KIF27: variants seen among roughly 807,000 people sequenced by gnomAD.
KIF27 encodes kinesin family member 27, also known as kinesin-like protein KIF27.
In KIF27, 84 loss-of-function variants were observed where a neutral mutation model predicts 141.8. The ratio of observed to expected loss-of-function variants is 0.59; its 90% CI spans 0.50 to 0.71. The LOEUF is 0.71. Among genes scored for constraint, KIF27 ranks in the 30% least tolerant of loss-of-function variants. KIF27 has a pLI of 0.00. For synonymous variants in KIF27, 471 were observed against 569.5 expected (o/e 0.83, Z 2.46); for missense variants, 1,306 against 1,628.4 (o/e 0.80, Z 3.41).
chr9:83,845,881 G>T (rs920094270), intron 16 of KIF27, among the ~76,000 whole-genome samples: 4 of 152,210 alleles, frequency 2.6e-5, no homozygotes, highest in South Asian at 2.1e-4. Flanking sequence ...CAAAAACTGT[G>T]AAGATATTTG....
At position 83,836,206 on chromosome 9, in the gene KIF27, G is replaced by C. The variant is rs1440857716; in HGVS notation, c.*795C>G. On this transcript the variant is annotated 3_prime_UTR_variant, in exon 18 of 18. Coordinates refer to ENST00000297814, the MANE Select transcript of KIF27 (RefSeq NM_017576.4). ...TTTACAGACATACTCCATGTGACCA[G>C]AGATGTCATAACCAGTGTTCTTTCT... Among the ~76,000 whole-genome samples, 1 of 152,128 alleles carries C rather than the reference G, an allele frequency of 6.6e-6. No homozygotes were observed. The highest frequency in any genetic ancestry group is 1.9e-4 in the East Asian group (1 of 5,194).
chr9:83,897,404 A>G (rs553401013), intron 5 of KIF27, among the ~76,000 whole-genome samples: 12 of 152,308 alleles, frequency 7.9e-5, no homozygotes, highest in African/African-American at 2.9e-4. Context: ...GAACAAATGA[A>G]TATCTATATG....
chr9:83,900,144 A>G (rs1164857173), intron 4 of KIF27, among the ~76,000 whole-genome samples: 3 of 152,202 alleles, frequency 2.0e-5, no homozygotes, highest in Non-Finnish European at 2.9e-5. Flanking sequence ...TCACTCAAAG[A>G]GCTCACATTT....
chr9:83,908,567 G>A lies in KIF27; in HGVS notation c.384C>T (p.Asp128=). 6.2e-7 allele frequency: 1 copy of A among 1,611,242 alleles called. No homozygotes were observed. Residue 128 remains aspartate, a synonymous_variant, in exon 3 of 18, where the codon GAC becomes GAT. Coordinates refer to ENST00000297814, the MANE Select transcript of KIF27 (RefSeq NM_017576.4). The part of the protein sequence containing the change: ...FQSISEHPSI[D]FNVKVSYIEV... The stretch of plus-strand genomic sequence containing the variant: ...CTATATAAGATACTTTTACATTAAA[G>A]TCAATGCTAGGATGTTCAGAGATGC...
At chr9:83,905,370 G>A (rs923212989) in intron 3 of KIF27, among the ~76,000 whole-genome samples, 11 of 152,130 alleles carry the variant, frequency 7.2e-5, no homozygotes, top group South Asian at 4.1e-4. Flanking sequence ...CACCTGCCTC[G>A]GCCTCCCAAA....
chr9:83,861,605 G>A (rs1166913452), intron 13 of KIF27, among the ~76,000 whole-genome samples: 2 of 152,080 alleles, frequency 1.3e-5, no homozygotes, highest in Non-Finnish European at 2.9e-5. Context: ...TTGGTTCCAA[G>A]TCTTGCTATT....
intron 13 of KIF27, chr9:83,860,084 G>C (rs566113182): frequency 1.3e-5 from 2 of 152,054 alleles, no homozygotes; most frequent in South Asian, 4.1e-4. Context: ...CATATAATTT[G>C]TTTTTACTTG....
chr9:83,903,158 G>A lies in KIF27; in HGVS notation c.1360C>T (p.Leu454Phe). ...NMIQEVRKAV[L>F]TSFRGIGGTA... ...CCTCCGATTCCTCGAAATGAGGTGA[G>A]GACAGCCTTCCTGACCTCTTGGATC... Residue 454 changes from leucine to phenylalanine, a missense_variant, in exon 4 of 18, where the codon CTC becomes TTC. Leu to Phe is a conservative substitution (Grantham distance 22, BLOSUM62 0). Transcript: ENST00000297814. The A allele has an allele frequency of 6.2e-7, 1 of 1,614,134 alleles. No homozygotes were observed. The highest frequency in any genetic ancestry group is 8.5e-7 in the Non-Finnish European group (1 of 1,180,020).
intron 16 of KIF27, among the ~76,000 whole-genome samples, chr9:83,843,686 A>T (rs1046170055): frequency 2.6e-5 from 4 of 152,180 alleles, no homozygotes; most frequent in African/African-American, 9.7e-5. Context: ...TGAATTGTTT[A>T]CATTGTCAGT....
rs2780160 is a variant in KIF27 at position 83,860,977 on chromosome 9, C to T, written c.2935-1606G>A. Among the ~76,000 whole-genome samples, 1,367 of 151,738 alleles carry T rather than the reference C, an allele frequency of 9.0e-3. 21 individuals are homozygous for T. Among genetic ancestry groups the T allele is most frequent in the African/African-American group, 0.032 (1,308 of 41,348 alleles). On this transcript the variant is annotated intron_variant, in intron 13 of 17. Transcript: ENST00000297814. The stretch of plus-strand genomic sequence containing the variant: ...TATTTATTAGACTTAATTTTCCTCA[C>T]GAGTTTAAAGATTGCTTCAGATCTT...
chr9:83,915,294 C>T lies in KIF27; in HGVS notation c.298G>A (p.Ala100Thr), dbSNP rs777900219. 14 of 1,583,400 alleles carry T rather than the reference C, an allele frequency of 8.8e-6. No individual in the cohort carries two copies. Among genetic ancestry groups the T allele is most frequent in the Non-Finnish European group, 1.2e-5 (14 of 1,167,188 alleles). Residue 100 changes from alanine (A) to threonine (T), a missense_variant and splice_region_variant, in exon 2 of 18, where the codon GCT (alanine) becomes ACT (threonine). By Grantham distance (58) the Ala-to-Thr change is moderately conservative. Around this residue, in one of 4 missense-constraint regions of KIF27, gnomAD observed 533 missense variants for 565.6 expected, o/e 0.94. Transcript: ENST00000297814. ...KTYTIGGGHIASVVEGQKGII... is the reference protein window; with the variant it reads ...KTYTIGGGHITSVVEGQKGII... ...AAGTCAAAGAGTATAAGAATCTTACCAATATGGCCCCCTCCAATGGTGTAT... is the reference window on the plus strand; with the variant it reads ...AAGTCAAAGAGTATAAGAATCTTACTAATATGGCCCCCTCCAATGGTGTAT...
rs949021449 is a variant in KIF27 at position 83,834,374 on chromosome 9, G to A, written c.*2627C>T. Among the ~76,000 whole-genome samples, 2 of 151,874 alleles carry A rather than the reference G, an allele frequency of 1.3e-5. No individual in the cohort carries two copies. Among genetic ancestry groups the A allele is most frequent in the Admixed American group, 6.6e-5 (1 of 15,242 alleles). On this transcript the variant is annotated 3_prime_UTR_variant, in exon 18 of 18. Coordinates refer to ENST00000297814, the MANE Select transcript of KIF27 (RefSeq NM_017576.4). ...ATTTCCAGAATATATTATTCACGAC[G>A]TTATTTATATGTGTGTTTGCATATG...
chr9:83,915,281 A>G lies in KIF27; in HGVS notation c.298+13T>C, dbSNP rs377568520. ...GCGTCACAAATAAAAGTCAAAGAGT[A>G]TAAGAATCTTACCAATATGGCCCCC... On this transcript the variant is annotated intron_variant, in intron 2 of 17. Transcript: ENST00000297814. The G allele has an allele frequency of 2.5e-5, 39 of 1,579,946 alleles. No homozygotes were observed. The highest frequency in any genetic ancestry group is 1.7e-4 in the Middle Eastern group (1 of 5,890).
chr9:83,838,890 C>T (rs1946233220), intron 17 of KIF27: 1 of 152,144 alleles, frequency 6.6e-6, no homozygotes, highest in Admixed American at 6.5e-5. Flanking sequence ...ATCAAATAAC[C>T]TGAACTAGCA....
intron 2 of KIF27, among the ~76,000 whole-genome samples, chr9:83,913,570 G>A (rs1955399405): frequency 1.3e-5 from 2 of 152,078 alleles, no homozygotes; most frequent in African/African-American, 2.4e-5. Context: ...CCAAGTAGCT[G>A]GGATTAGAGG....
chr9:83,860,898 A>G (rs1253549968), intron 13 of KIF27, among the ~76,000 whole-genome samples: 2 of 134,220 alleles, frequency 1.5e-5, no homozygotes, highest in Admixed American at 1.4e-4. Context: ...TTTTTTTTTT[A>G]CCTGAAAATG....
chr9:83,893,451 T>G (rs922422193), intron 5 of KIF27, among the ~76,000 whole-genome samples: 4 of 151,948 alleles, frequency 2.6e-5, no homozygotes, highest in Admixed American at 1.3e-4. Context: ...AAATCAGAGA[T>G]AGTATGTTAT....
At chr9:83,913,502 A>G (rs1427654104) in intron 2 of KIF27, among the ~76,000 whole-genome samples, 2 of 152,114 alleles carry the variant, frequency 1.3e-5, no homozygotes, top group African/African-American at 4.8e-5. Context: ...CAGTGGCACG[A>G]TCTTGGCTCA....
chr9:83,836,281 T>C lies in KIF27; in HGVS notation c.*720A>G, dbSNP rs1212192963. Reference sequence around the variant, plus strand: ...TTTATTCTATAATTTCCGTGTTCCATGGAACAGCATTCATTTCTCCCAGTT... The same window carrying C: ...TTTATTCTATAATTTCCGTGTTCCACGGAACAGCATTCATTTCTCCCAGTT... On this transcript the variant is annotated 3_prime_UTR_variant, in exon 18 of 18. Coordinates refer to ENST00000297814, the MANE Select transcript of KIF27 (RefSeq NM_017576.4). Among the ~76,000 whole-genome samples, 2 of 152,286 alleles carry C rather than the reference T, an allele frequency of 1.3e-5. No homozygotes were observed. The highest frequency in any genetic ancestry group is 6.8e-3 in the Middle Eastern group (2 of 292).
Sources: gnomAD v4.1 joint callset for allele counts (sites outside exome capture counted in the v4.1 genomes callset) on GRCh38, gnomAD v4.1.1 for gene constraint, gnomAD v4.1.1 regional missense constraint, MANE v1.5 for transcripts, NCBI Gene and HGNC (gene_info 2026-07-23, HGNC 2026-07-21) for gene names.